The following WDFY4 variants were observed in gnomAD, a reference collection of about 807,000 sequenced individuals.
The protein encoded by WDFY4 is WDFY family member 4.
Under a neutral mutation model 351.9 loss-of-function variants are expected in WDFY4, and 169 were observed. That is an observed-to-expected ratio of 0.48 (90% CI 0.42 to 0.55). WDFY4 has a LOEUF of 0.55. Among genes scored for constraint, WDFY4 ranks in the 20% least tolerant of loss-of-function variants. The pLI is 0.00. For synonymous variants in WDFY4, 1,622 were observed against 1,574.6 expected (o/e 1.03, Z -0.71); for missense variants, 3,803 against 3,935.6 (o/e 0.97, Z 0.90).
intron 39 of WDFY4, among the ~76,000 whole-genome samples, chr10:48,857,263 A>T (rs2069166742): frequency 6.6e-6 from 1 of 152,172 alleles, no homozygotes; most frequent in African/African-American, 2.4e-5. Context: ...TATTAAAAAA[A>T]GTGTATTCAG....
intron 60 of WDFY4, 149 bp from the exon 61 acceptor site, chr10:48,981,218 A>G: frequency 1.4e-6 from 1 of 691,544 alleles, no homozygotes; most frequent in Non-Finnish European, 2.4e-6. Context: ...GCACAGGCCA[A>G]GATTAAATAT....
At chr10:48,829,342 C>A (rs1003403038) in intron 37 of WDFY4, among the ~76,000 whole-genome samples, 10 of 152,212 alleles carry the variant, frequency 6.6e-5, no homozygotes, top group African/African-American at 9.7e-5. Context: ...AAACCCATTA[C>A]TCTCTATAAG....
chr10:48,902,331 T>C (rs999133835), intron 47 of WDFY4, among the ~76,000 whole-genome samples: 2 of 152,182 alleles, frequency 1.3e-5, no homozygotes, highest in Admixed American at 1.3e-4. Context: ...AGTGAATGAA[T>C]TGCTTGCAGT....
intron 39 of WDFY4, among the ~76,000 whole-genome samples, chr10:48,842,364 A>G (rs2133125972): frequency 6.6e-6 from 1 of 152,134 alleles, no homozygotes; most frequent in South Asian, 2.1e-4. Context: ...GGTCTGCGAC[A>G]AGCAGTGTCC....
chr10:48,952,016 C>T (rs894544593), intron 51 of WDFY4, among the ~76,000 whole-genome samples: 8 of 152,234 alleles, frequency 5.3e-5, no homozygotes, highest in African/African-American at 1.7e-4. Context: ...CCACCTGAGG[C>T]GAGATGGCTG....
chr10:48,802,375 A>T (rs557760567), intron 24 of WDFY4, among the ~76,000 whole-genome samples: 1 of 152,264 alleles, frequency 6.6e-6, no homozygotes, highest in East Asian at 1.9e-4. Context: ...TAAGAAAATA[A>T]ATACATAAAT....
chr10:48,844,488 A>G (rs915306341), intron 39 of WDFY4, among the ~76,000 whole-genome samples: 1 of 152,100 alleles, frequency 6.6e-6, no homozygotes, highest in African/African-American at 2.4e-5. Flanking sequence ...GCTACTCGGG[A>G]GGCTGAGGCA....
chr10:48,775,019 G>T (rs1436289128), intron 14 of WDFY4, among the ~76,000 whole-genome samples: 2 of 152,206 alleles, frequency 1.3e-5, no homozygotes, highest in Admixed American at 6.5e-5. Context: ...GGGGCTGACT[G>T]TGTCCTGTAG....
Position 48,875,097 on chromosome 10 carries a change from A to G in WDFY4, c.6957A>G (p.Gln2319=). The change falls in exon 42 of 62, where the codon CAA becomes CAG. Residue 2319 remains glutamine (Q), a synonymous_variant. Coordinates refer to ENST00000325239, the MANE Select transcript of WDFY4 (RefSeq NM_001394531.1). The stretch of plus-strand genomic sequence containing the variant: ...CAATGTCCTTATTTCAGGAAAGCCA[A>G]GACAAAAATGATCATATTTCTCAAA... ...ALSSGRHKES[Q]DKNDHISQTN... 1 of 1,489,776 alleles carries G rather than the reference A, an allele frequency of 6.7e-7. No homozygotes were observed. The highest frequency in any genetic ancestry group is 8.9e-7 in the Non-Finnish European group (1 of 1,117,506). 92.3% of individuals were successfully genotyped at this position (1,489,776 alleles called of 1,614,324 possible). A position where few individuals can be genotyped will look rare whatever the true frequency, so the allele number is the denominator to read the frequency against.
At chr10:48,764,078 T>C (rs1036751223) in intron 13 of WDFY4, among the ~76,000 whole-genome samples, 14 of 152,214 alleles carry the variant, frequency 9.2e-5, no homozygotes, top group African/African-American at 3.4e-4. Flanking sequence ...TGGTGGTTCC[T>C]AATACTCCCT....
intron 16 of WDFY4, 85 bp downstream of exon 16, chr10:48,777,069 T>G: frequency 7.1e-7 from 1 of 1,404,108 alleles, no homozygotes; most frequent in Admixed American, 2.2e-5. Flanking sequence ...TGCAAACTTG[T>G]AGTTCCCATT....
chr10:48,795,520 T>C (rs377545512), intron 23 of WDFY4, among the ~76,000 whole-genome samples: 5 of 85,586 alleles, frequency 5.8e-5, no homozygotes, highest in South Asian at 3.7e-4. Flanking sequence ...TATATATATA[T>C]ATACATATAT....
chr10:48,789,328 G>C (rs770293604), intron 21 of WDFY4, among the ~76,000 whole-genome samples: 1 of 152,162 alleles, frequency 6.6e-6, no homozygotes, highest in Admixed American at 6.5e-5. Context: ...TTTGCAATTC[G>C]TTTATATTCC....
In WDFY4 at chr10:48,770,961, G is replaced by A. The variant is rs189623099; in HGVS notation, c.2554-3497G>A. On this transcript the variant is annotated intron_variant, in intron 13 of 61. Coordinates refer to ENST00000325239, the MANE Select transcript of WDFY4 (RefSeq NM_001394531.1). Reference sequence around the variant, plus strand: ...TGCAGCCTGGGAAGGATGTCCCCCTGGAAAGTTAATCTAATGTAGTTTTAT... The same window carrying A: ...TGCAGCCTGGGAAGGATGTCCCCCTAGAAAGTTAATCTAATGTAGTTTTAT... Among the ~76,000 whole-genome samples the A allele has an allele frequency of 1.1e-3, 168 of 152,278 alleles. 1 individual carries two copies. The highest frequency in any genetic ancestry group is 3.9e-3 in the African/African-American group (160 of 41,554).
At chr10:48,938,815 T>C (rs528445078) in intron 47 of WDFY4, among the ~76,000 whole-genome samples, 22 of 152,330 alleles carry the variant, frequency 1.4e-4, no homozygotes, top group African/African-American at 5.3e-4. Flanking sequence ...GACGTCCTGA[T>C]TCAGAGATAA....
intron 12 of WDFY4, among the ~76,000 whole-genome samples, chr10:48,757,146 T>A (rs1437277330): frequency 2.0e-5 from 3 of 152,110 alleles, no homozygotes; most frequent in South Asian, 4.1e-4. Flanking sequence ...TTTCTTCTTG[T>A]TGAGTTTGGT....
intron 13 of WDFY4, among the ~76,000 whole-genome samples, chr10:48,772,520 T>A: frequency 7.2e-6 from 1 of 139,304 alleles, no homozygotes; most frequent in Non-Finnish European, 1.5e-5. Flanking sequence ...GGCAGTTCTT[T>A]TTTTTTTTTT....
intron 44 of WDFY4, 142 bp from the exon 45 acceptor site, chr10:48,897,312 G>T: frequency 1.7e-6 from 2 of 1,186,868 alleles, no homozygotes; most frequent in South Asian, 1.5e-5. Context: ...CTAGCACACT[G>T]GTTGGCAGTG....
rs760147619 is a variant in WDFY4, at chr10:48,828,764, C to T, written c.6222-14C>T. The T allele has an allele frequency of 6.2e-6, 9 of 1,450,416 alleles. No individual in the cohort carries two copies. The highest frequency in any genetic ancestry group is 8.4e-6 in the Non-Finnish European group (9 of 1,071,820). 89.8% of individuals were successfully genotyped at this position (1,450,416 alleles called of 1,614,324 possible). A position where few individuals can be genotyped will look rare whatever the true frequency, so the allele number is the denominator to read the frequency against. On this transcript the variant is annotated splice_polypyrimidine_tract_variant and intron_variant, in intron 36 of 61. Coordinates refer to ENST00000325239, the MANE Select transcript of WDFY4 (RefSeq NM_001394531.1). ...AATTTATTGGATTTTAGTGAAAAATCTCTTATCCACTAGTTACCCAGAAGG... is the reference window on the plus strand; with the variant it reads ...AATTTATTGGATTTTAGTGAAAAATTTCTTATCCACTAGTTACCCAGAAGG...
Sources: allele counts gnomAD v4.1 joint callset (sites outside exome capture counted in the v4.1 genomes callset), GRCh38; gene constraint gnomAD v4.1.1; transcripts MANE v1.5; gene names NCBI Gene and HGNC (gene_info 2026-07-23, HGNC 2026-07-21).